TOP6BL: variants seen among roughly 807,000 people sequenced by gnomAD.
TOP6BL encodes type 2 DNA topoisomerase 6 subunit B-like.
At chr11:66,779,715 A>C in the TOP6BL span, among the ~76,000 whole-genome samples, 1 of 152,182 alleles carries the variant, frequency 6.6e-6, no homozygotes, top group Non-Finnish European at 1.5e-5. Context: ...ACGCACATGT[A>C]TGTTTACTGC....
At chr11:66,825,211 A>T in the TOP6BL span, among the ~76,000 whole-genome samples, 1 of 148,756 alleles carries the variant, frequency 6.7e-6, no homozygotes, top group East Asian at 2.1e-4. Flanking sequence ...GTGGTGGCTC[A>T]TGCCTGTAAG....
chr11:66,772,837 T>G, the TOP6BL span, among the ~76,000 whole-genome samples: 15 of 152,234 alleles, frequency 9.9e-5, no homozygotes, highest in Non-Finnish European at 2.2e-4. Flanking sequence ...TTGTAATGTC[T>G]TTGTCTTTTT....
At chr11:66,779,220 A>G in the TOP6BL span, among the ~76,000 whole-genome samples, 1 of 152,234 alleles carries the variant, frequency 6.6e-6, no homozygotes, top group East Asian at 1.9e-4. Context: ...ATCAGAGTGA[A>G]CAGGCAACCT....
chr11:66,828,618 G>A, the TOP6BL span: 1 of 402,094 alleles, frequency 2.5e-6, no homozygotes, highest in Admixed American at 3.7e-5. Context: ...TTTCAGGCAG[G>A]AGGGTAGATT....
At chr11:66,794,697 C>T in the TOP6BL span, among the ~76,000 whole-genome samples, 1 of 152,082 alleles carries the variant, frequency 6.6e-6, no homozygotes, top group Non-Finnish European at 1.5e-5. Context: ...TTGGCAAGAA[C>T]ATGGGCAATT....
At chr11:66,787,677 G>A in the TOP6BL span, among the ~76,000 whole-genome samples, 78 of 148,742 alleles carry the variant, frequency 5.2e-4, no homozygotes, top group African/African-American at 1.7e-3. Context: ...CCGAGATAGC[G>A]CCATTGCACT....
the TOP6BL span, among the ~76,000 whole-genome samples, chr11:66,841,048 C>T: frequency 4.6e-4 from 69 of 151,216 alleles, 1 homozygote; most frequent in South Asian, 0.013. Context: ...GACTTTTAGT[C>T]TGTTTCATGA....
chr11:66,751,953 A>G, the TOP6BL span, among the ~76,000 whole-genome samples: 1 of 152,174 alleles, frequency 6.6e-6, no homozygotes, highest in Admixed American at 6.5e-5. Context: ...AGTACATCAG[A>G]TAATATATCA....
chr11:66,824,715 C>T, the TOP6BL span, among the ~76,000 whole-genome samples: 10 of 149,242 alleles, frequency 6.7e-5, no homozygotes, highest in South Asian at 2.1e-4. Context: ...TTTGTCCTTG[C>T]GATAGTTTGC....
chr11:66,745,241 A>G, the TOP6BL span, among the ~76,000 whole-genome samples: 20 of 134,658 alleles, frequency 1.5e-4, no homozygotes, highest in Admixed American at 2.6e-4. Context: ...AGCGCCTTCC[A>G]TGCACCGGGT....
chr11:66,755,543 C>T, the TOP6BL span, among the ~76,000 whole-genome samples: 17 of 152,112 alleles, frequency 1.1e-4, no homozygotes, highest in Non-Finnish European at 4.4e-5. Flanking sequence ...TGAAAATAAA[C>T]GTGTGTGTTC....
At chr11:66,840,167 T>C in the TOP6BL span, among the ~76,000 whole-genome samples, 1 of 152,176 alleles carries the variant, frequency 6.6e-6, no homozygotes, top group Non-Finnish European at 1.5e-5. Flanking sequence ...CCAAACTGTG[T>C]GTTGATGCCA....
chr11:66,843,404 C>T, the TOP6BL span: 11 of 1,426,194 alleles, frequency 7.7e-6, no homozygotes, highest in African/African-American at 3.0e-5. Context: ...CCTGACGTCA[C>T]CCACACCTCC....
chr11:66,745,466 C>T, the TOP6BL span, among the ~76,000 whole-genome samples: 1 of 152,218 alleles, frequency 6.6e-6, no homozygotes, highest in Non-Finnish European at 1.5e-5. Context: ...CACACCTGTG[C>T]TCGGGGAGCT....
At chr11:66,786,080 C>T in the TOP6BL span, among the ~76,000 whole-genome samples, 1 of 152,172 alleles carries the variant, frequency 6.6e-6, no homozygotes, top group Non-Finnish European at 1.5e-5. Flanking sequence ...GGGCAGATCA[C>T]TTGAGGCCAA....
chr11:66,775,309 T>G, the TOP6BL span, among the ~76,000 whole-genome samples: 1 of 152,174 alleles, frequency 6.6e-6, no homozygotes, highest in Non-Finnish European at 1.5e-5. Flanking sequence ...TTTTAAGAGA[T>G]AGGCACTATA....
the TOP6BL span, among the ~76,000 whole-genome samples, chr11:66,800,470 A>G: frequency 4.8e-4 from 73 of 152,354 alleles, no homozygotes; most frequent in African/African-American, 1.6e-3. Context: ...TACATATATC[A>G]AAACACCACA....
the TOP6BL span, chr11:66,822,622 T>A: frequency 7.7e-6 from 12 of 1,553,174 alleles, no homozygotes; most frequent in South Asian, 1.3e-4. Flanking sequence ...ATGAGTATTC[T>A]GACTGGAAGC....
At chr11:66,800,234 T>A in the TOP6BL span, among the ~76,000 whole-genome samples, 1 of 152,010 alleles carries the variant, frequency 6.6e-6, no homozygotes, top group South Asian at 2.1e-4. Flanking sequence ...TGGGAGTGGG[T>A]TAAGGAAGGA....
Sources: allele counts gnomAD v4.1 joint callset (sites outside exome capture counted in the v4.1 genomes callset), GRCh38; gene constraint gnomAD v4.1.1; transcripts MANE v1.5; gene names NCBI Gene and HGNC (gene_info 2026-07-23, HGNC 2026-07-21).